Variants in CSMD3 observed in about 807,000 individuals in gnomAD.
The protein encoded by CSMD3 is CUB and Sushi multiple domains 3, also known as CUB and sushi domain-containing protein 3.
A neutral mutation model predicts 435.2 loss-of-function variants in CSMD3; 177 were observed. The observed-to-expected ratio is 0.41, with a 90% confidence interval of 0.36 to 0.46. The LOEUF (loss-of-function observed/expected upper bound fraction) is 0.46, where lower values mean the gene tolerates loss of function less well. Among genes scored for constraint, CSMD3 ranks in the 20% least tolerant of loss-of-function variants. The pLI is 0.34. For missense variants in CSMD3, 4,265 were observed against 4,504.6 expected (o/e 0.95, Z 1.52); for synonymous variants, 1,656 against 1,520.5 (o/e 1.09, Z -2.07).
chr8:112,300,087 T>C (rs1820766814), intron 53 of CSMD3, among the ~76,000 whole-genome samples: 1 of 148,450 alleles, frequency 6.7e-6, no homozygotes, highest in African/African-American at 2.4e-5. Flanking sequence ...TTAGTTTTAT[T>C]TTAACTATAT....
chr8:113,272,946 A>G (rs2093540792), intron 3 of CSMD3, among the ~76,000 whole-genome samples: 1 of 152,046 alleles, frequency 6.6e-6, no homozygotes, highest in African/African-American at 2.4e-5. Flanking sequence ...ATAGCATAAT[A>G]GGGATAATAT....
intron 1 of CSMD3, among the ~76,000 whole-genome samples, chr8:113,372,785 T>A (rs889981491): frequency 6.6e-6 from 1 of 151,846 alleles, no homozygotes; most frequent in East Asian, 1.9e-4. Flanking sequence ...ATACAAAAAA[T>A]TAGCCGGGCG....
intron 10 of CSMD3, among the ~76,000 whole-genome samples, chr8:112,880,981 T>G (rs1461398089): frequency 6.6e-6 from 1 of 152,106 alleles, no homozygotes; most frequent in African/African-American, 2.4e-5. Context: ...ATATTTATTA[T>G]GTACAACATG....
chr8:112,461,585 A>G (rs2130681392), intron 32 of CSMD3, among the ~76,000 whole-genome samples: 1 of 152,318 alleles, frequency 6.6e-6, no homozygotes, highest in African/African-American at 2.4e-5. Flanking sequence ...CAGCAGGGAA[A>G]CAAAGTAGAA....
At chr8:112,244,939 A>G (rs1338389886) in intron 64 of CSMD3, among the ~76,000 whole-genome samples, 1 of 152,028 alleles carries the variant, frequency 6.6e-6, no homozygotes, top group Non-Finnish European at 1.5e-5. Context: ...GTTCTGTGGT[A>G]AGATACCTTT....
rs80095694 is a variant in CSMD3, at chr8:112,984,472, T to C, written c.1031-8324A>G. On this transcript the variant is annotated intron_variant, in intron 6 of 70. Transcript: ENST00000297405. Reference sequence around the variant, plus strand: ...CTGATCAATAAAATCTCACAAATCATATATTTTAATGTTATAATATCTCGC... The same window carrying C: ...CTGATCAATAAAATCTCACAAATCACATATTTTAATGTTATAATATCTCGC... Among the ~76,000 whole-genome samples, 1,219 of 152,202 alleles carry C rather than the reference T, an allele frequency of 8.0e-3. 18 individuals carry two copies. Among genetic ancestry groups the C allele is most frequent in the African/African-American group, 0.027 (1,141 of 41,550 alleles).
intron 4 of CSMD3, among the ~76,000 whole-genome samples, chr8:113,142,591 A>G (rs542653338): frequency 5.9e-5 from 9 of 151,296 alleles, no homozygotes; most frequent in Admixed American, 2.7e-4. Context: ...ACAACCTGGA[A>G]AGGGCAGTAG....
Position 113,148,584 on chromosome 8 carries a change from C to T in CSMD3, c.709+25138G>A, listed in dbSNP as rs115196169. Among the ~76,000 whole-genome samples, 1,400 of 151,778 alleles carry T rather than the reference C, an allele frequency of 9.2e-3. 13 individuals carry two copies. The highest frequency in any genetic ancestry group is 0.032 in the African/African-American group (1,347 of 41,458). ...AGCCTAGTACAGAAAAAGTACTCAA[C>T]AAATAGTGGCTTAAAGAATGAGCAA... On this transcript the variant is annotated intron_variant, in intron 4 of 70. Transcript: ENST00000297405.
At chr8:112,849,783 A>C (rs993721095) in intron 11 of CSMD3, among the ~76,000 whole-genome samples, 1 of 151,924 alleles carries the variant, frequency 6.6e-6, no homozygotes, top group Non-Finnish European at 1.5e-5. Flanking sequence ...GGCTTAAGTA[A>C]AATACGTATT....
chr8:112,508,296 C>T (rs920572085), intron 28 of CSMD3, among the ~76,000 whole-genome samples: 14 of 152,196 alleles, frequency 9.2e-5, no homozygotes, highest in African/African-American at 3.1e-4. Flanking sequence ...CACCCTGCCC[C>T]ATATAACTTA....
intron 32 of CSMD3, among the ~76,000 whole-genome samples, chr8:112,451,237 G>C (rs1381126962): frequency 6.6e-6 from 1 of 151,976 alleles, no homozygotes; most frequent in Non-Finnish European, 1.5e-5. Context: ...AGTTATCTCT[G>C]GATAGTGAAG....
At chr8:112,303,696 G>A (rs899782243) in intron 52 of CSMD3, among the ~76,000 whole-genome samples, 9 of 151,976 alleles carry the variant, frequency 5.9e-5, no homozygotes, top group Non-Finnish European at 8.8e-5. Context: ...CAGGGCAACC[G>A]AAAAATTCTA....
At position 112,346,684 on chromosome 8, in the gene CSMD3, TTTTTTTTTTTTTTG is replaced by T. The variant is rs1344171408; in HGVS notation, c.6326-485_6326-472del. Among the ~76,000 whole-genome samples, 8 of 70,650 alleles carry T rather than the reference TTTTTTTTTTTTTTG, an allele frequency of 1.1e-4. 1 individual carries two copies. In the East Asian group the frequency reaches 2.6e-3, roughly 23 times the overall value. 46.3% of individuals were successfully genotyped at this position (70,650 alleles called of 152,430 possible). On this transcript the variant is annotated intron_variant, in intron 40 of 70. Coordinates refer to ENST00000297405, the MANE Select transcript of CSMD3 (RefSeq NM_198123.2). The stretch of plus-strand genomic sequence containing the variant: ...CCTCCTTTTCCTTTTTTTTTTTTTT[TTTTTTTTTTTTTTG>T]GAGAAGGAGTCTCTCTGTCACCCAG...
At chr8:112,375,912 T>C (rs1478529403) in intron 38 of CSMD3, among the ~76,000 whole-genome samples, 1 of 152,150 alleles carries the variant, frequency 6.6e-6, no homozygotes, top group Non-Finnish European at 1.5e-5. Flanking sequence ...TAAGCAGCCT[T>C]AGTTACTGCC....
At chr8:112,926,584 G>C (rs1278653963) in intron 9 of CSMD3, among the ~76,000 whole-genome samples, 1 of 152,046 alleles carries the variant, frequency 6.6e-6, no homozygotes, top group Non-Finnish European at 1.5e-5. Flanking sequence ...TTTTAAAAAT[G>C]ATACTTATTT....
intron 3 of CSMD3, among the ~76,000 whole-genome samples, chr8:113,174,533 T>C (rs865879302): frequency 1.6e-4 from 25 of 151,954 alleles, no homozygotes; most frequent in Admixed American, 1.5e-3. Flanking sequence ...ATAGGCAAAA[T>C]ATATGGAAAA....
intron 13 of CSMD3, among the ~76,000 whole-genome samples, chr8:112,789,809 G>T (rs2078641646): frequency 6.6e-6 from 1 of 151,854 alleles, no homozygotes; most frequent in Non-Finnish European, 1.5e-5. Context: ...GGAAATATTT[G>T]TAAAATAAAA....
intron 13 of CSMD3, among the ~76,000 whole-genome samples, chr8:112,694,335 T>G (rs2131843775): frequency 6.6e-6 from 1 of 152,226 alleles, no homozygotes; most frequent in Non-Finnish European, 1.5e-5. Flanking sequence ...AAAACAATGA[T>G]AACAAACATT....
chr8:113,298,654 T>C (rs572585438), intron 2 of CSMD3, among the ~76,000 whole-genome samples: 1 of 152,220 alleles, frequency 6.6e-6, no homozygotes, highest in Admixed American at 6.5e-5. Flanking sequence ...GGAAGGTTTG[T>C]TTGTAGTAGC....
Sources: allele counts gnomAD v4.1 joint callset (sites outside exome capture counted in the v4.1 genomes callset), GRCh38; gene constraint gnomAD v4.1.1; transcripts MANE v1.5; gene names NCBI Gene and HGNC (gene_info 2026-07-23, HGNC 2026-07-21).